ZBTB7C: variants seen among roughly 807,000 people sequenced by gnomAD.
ZBTB7C encodes zinc finger and BTB domain-containing protein 7C.
In ZBTB7C, 8 loss-of-function variants were observed where a neutral mutation model predicts 25.7. The observed-to-expected ratio is 0.31, with a 90% CI of 0.18 to 0.56. ZBTB7C has a LOEUF of 0.56. Among genes scored for constraint, ZBTB7C ranks in the 20% least tolerant of loss-of-function variants. The probability of loss-of-function intolerance (pLI) is 0.91; values close to 1 mark genes in which losing one functional copy is unlikely to be tolerated. For missense variants in ZBTB7C, 824 were observed against 855.2 expected (o/e 0.96, Z 0.46); for synonymous variants, 394 against 369.0 (o/e 1.07, Z -0.78).
chr18:48,298,415 G>A (rs911785321), intron 2 of ZBTB7C, among the ~76,000 whole-genome samples: 2 of 152,144 alleles, frequency 1.3e-5, no homozygotes, highest in African/African-American at 4.8e-5. Flanking sequence ...CTCATGGAGT[G>A]GGCTGGGCTC....
intron 1 of ZBTB7C, among the ~76,000 whole-genome samples, chr18:48,342,818 G>C (rs1598912102): frequency 6.6e-6 from 1 of 152,172 alleles, no homozygotes; most frequent in African/African-American, 2.4e-5. Context: ...AGGGCCAGGA[G>C]GGAGGGAGGT....
intron 2 of ZBTB7C, among the ~76,000 whole-genome samples, chr18:48,286,481 G>T (rs2045057896): frequency 6.6e-6 from 1 of 151,964 alleles, no homozygotes; most frequent in African/African-American, 2.4e-5. Context: ...AATATGGACA[G>T]ATTACTACTT....
At chr18:48,138,642 G>A (rs2144817344) in intron 3 of ZBTB7C, among the ~76,000 whole-genome samples, 1 of 152,320 alleles carries the variant, frequency 6.6e-6, no homozygotes, top group South Asian at 2.1e-4. Context: ...AAGGGAAGAA[G>A]CAGGGGTGCT....
intron 3 of ZBTB7C, among the ~76,000 whole-genome samples, chr18:48,068,919 C>T (rs959124501): frequency 6.6e-5 from 10 of 152,202 alleles, no homozygotes; most frequent in African/African-American, 2.2e-4. Flanking sequence ...CCGAGGACAT[C>T]GTAGTGGGAG....
intron 2 of ZBTB7C, among the ~76,000 whole-genome samples, chr18:48,280,848 C>CTTTTTTTTTTTTTTTTTTTTTTTTT: frequency 1.3e-5 from 1 of 79,892 alleles, no homozygotes. Context: ...TTTTCTCTCT[C>CTTTTTTTTTTTTTTTTTTTTTTTTT]TTTTTTTTTT....
intron 3 of ZBTB7C, among the ~76,000 whole-genome samples, chr18:48,073,773 G>A (rs1250494334): frequency 4.6e-5 from 7 of 152,134 alleles, no homozygotes; most frequent in Non-Finnish European, 7.4e-5. Context: ...TCCTGTGGCT[G>A]GCAGCTGGCA....
chr18:48,176,330 AG>A (rs1229942876), intron 3 of ZBTB7C, among the ~76,000 whole-genome samples: 1 of 152,238 alleles, frequency 6.6e-6, no homozygotes, highest in Non-Finnish European at 1.5e-5. Context: ...TAAAAGACAA[AG>A]AAAGGCTGTG....
chr18:48,161,406 G>A (rs928086478), intron 3 of ZBTB7C, among the ~76,000 whole-genome samples: 1 of 152,050 alleles, frequency 6.6e-6, no homozygotes, highest in Non-Finnish European at 1.5e-5. Flanking sequence ...GGGCCGGGAT[G>A]AGAGGAAACT....
intron 3 of ZBTB7C, among the ~76,000 whole-genome samples, chr18:48,179,522 G>C (rs2041810364): frequency 6.6e-6 from 1 of 152,140 alleles, no homozygotes; most frequent in Non-Finnish European, 1.5e-5. Flanking sequence ...AGGAAGGAGA[G>C]AGAAAAGGGA....
chr18:48,239,295 C>T (rs2043462139), intron 2 of ZBTB7C, among the ~76,000 whole-genome samples: 1 of 152,166 alleles, frequency 6.6e-6, no homozygotes, highest in African/African-American at 2.4e-5. Flanking sequence ...TGCCCATCAC[C>T]TAAGAAACCC....
At chr18:48,061,137 A>G (rs1169045774) in intron 3 of ZBTB7C, among the ~76,000 whole-genome samples, 3 of 152,150 alleles carry the variant, frequency 2.0e-5, no homozygotes, top group Non-Finnish European at 1.5e-5. Context: ...TCATTTATAG[A>G]GCTTTAGACG....
intron 3 of ZBTB7C, among the ~76,000 whole-genome samples, chr18:48,184,903 A>G (rs2042019358): frequency 6.6e-6 from 1 of 152,100 alleles, no homozygotes; most frequent in African/African-American, 2.4e-5. Flanking sequence ...CAGATTTCCT[A>G]TAATCTACTC....
chr18:48,076,935 C>T (rs1397234391), intron 3 of ZBTB7C: 1 of 985,142 alleles, frequency 1.0e-6, no homozygotes, highest in African/African-American at 1.7e-5. Flanking sequence ...TAAGTACTAA[C>T]CTGGCTTTAA....
chr18:48,045,086 G>A (rs566556859), intron 3 of ZBTB7C, among the ~76,000 whole-genome samples: 1 of 152,356 alleles, frequency 6.6e-6, no homozygotes, highest in African/African-American at 2.4e-5. Flanking sequence ...GGCCCAGACT[G>A]CAGGTTCAGA....
chr18:48,214,747 CAT>C (rs1243091158), intron 2 of ZBTB7C, among the ~76,000 whole-genome samples: 3 of 152,222 alleles, frequency 2.0e-5, no homozygotes, highest in Admixed American at 6.5e-5. Context: ...TACCCTGTGA[CAT>C]GTGGTAGCAT....
At chr18:48,305,877 G>A (rs2045660716) in intron 2 of ZBTB7C, among the ~76,000 whole-genome samples, 1 of 152,166 alleles carries the variant, frequency 6.6e-6, no homozygotes, top group Admixed American at 6.5e-5. Flanking sequence ...GTCCACTGGT[G>A]GCCAGCCCAC....
chr18:48,309,493 G>C (rs1381658913), intron 2 of ZBTB7C, among the ~76,000 whole-genome samples: 2 of 152,194 alleles, frequency 1.3e-5, no homozygotes, highest in Non-Finnish European at 2.9e-5. Context: ...GCACAGAAGT[G>C]GGGGTAGTGG....
intron 1 of ZBTB7C, among the ~76,000 whole-genome samples, chr18:48,359,877 G>A (rs1485152338): frequency 6.6e-6 from 1 of 152,202 alleles, no homozygotes; most frequent in Non-Finnish European, 1.5e-5. Context: ...CATCTGTGGG[G>A]ACTTGGGAGA....
intron 4 of ZBTB7C, among the ~76,000 whole-genome samples, chr18:48,036,951 C>T (rs1330734783): frequency 6.6e-6 from 1 of 152,174 alleles, no homozygotes; most frequent in Non-Finnish European, 1.5e-5. Flanking sequence ...CGGGCAGTTC[C>T]AGAGATGGGG....
Sources: allele counts gnomAD v4.1 joint callset (sites outside exome capture counted in the v4.1 genomes callset), GRCh38; gene constraint gnomAD v4.1.1; transcripts MANE v1.5; gene names NCBI Gene and HGNC (gene_info 2026-07-23, HGNC 2026-07-21).